Variants in CEP85L observed in about 807,000 individuals in gnomAD.
CEP85L encodes centrosomal protein of 85 kDa-like.
Under a neutral mutation model 100.3 loss-of-function variants are expected in CEP85L, and 60 were observed. The observed-to-expected ratio is 0.60, with a 90% CI of 0.49 to 0.74. The LOEUF is 0.74. CEP85L is among the 30% of genes least tolerant of loss of function. CEP85L has a pLI of 0.00. For missense variants in CEP85L, 973 were observed against 936.2 expected (o/e 1.04, Z -0.51); for synonymous variants, 319 against 322.7 (o/e 0.99, Z 0.12).
intron 2 of CEP85L, among the ~76,000 whole-genome samples, chr6:118,590,006 G>C (rs1170829976): frequency 6.6e-6 from 1 of 151,992 alleles, no homozygotes; most frequent in East Asian, 1.9e-4. Context: ...GACTATTGAG[G>C]CCAGTTCTGG....
rs1316595238 is a variant in CEP85L at position 118,460,871 on chromosome 6, T to C, written c.*4534A>G. The C allele has an allele frequency of 1.3e-5, 2 of 152,196 alleles. No homozygotes were observed. The highest frequency in any genetic ancestry group is 3.8e-4 in the East Asian group (2 of 5,202). The allele number at this position is 152,196 out of a possible 1,614,324, so 9.4% of individuals were successfully genotyped here. On this transcript the variant is annotated 3_prime_UTR_variant, in exon 13 of 13. Coordinates refer to ENST00000368491, the MANE Select transcript of CEP85L (RefSeq NM_001042475.3). ...CTAGCCATTAACATTGAAAACTTTT[T>C]TCTTAATTTAATAAATAGAACTTTG...
chr6:118,470,510 A>C (rs764135835), intron 11 of CEP85L, 27 bp downstream of exon 11: 5 of 1,402,946 alleles, frequency 3.6e-6, no homozygotes, highest in Non-Finnish European at 4.9e-6. Context: ...CATCCTTTCA[A>C]AGCAAAATTG....
intron 3 of CEP85L, among the ~76,000 whole-genome samples, chr6:118,532,547 T>C (rs1777355615): frequency 6.6e-6 from 1 of 152,104 alleles, no homozygotes; most frequent in African/African-American, 2.4e-5. Context: ...GAGCAAAAAG[T>C]AAATAAAACT....
chr6:118,615,560 G>C (rs1311111131), intron 2 of CEP85L, among the ~76,000 whole-genome samples: 1 of 152,140 alleles, frequency 6.6e-6, no homozygotes, highest in Non-Finnish European at 1.5e-5. Context: ...CCAGCTCCTA[G>C]GAAGTAACCT....
At chr6:118,654,928 T>C (rs1583231721), upstream of CEP85L, among the ~76,000 whole-genome samples, 1 of 152,238 alleles carries the variant, frequency 6.6e-6, no homozygotes, top group African/African-American at 2.4e-5. Context: ...TTCATTGGTA[T>C]AGGCCAGGTC....
upstream of CEP85L, chr6:118,651,600 T>C: frequency 9.7e-7 from 1 of 1,027,554 alleles, no homozygotes; most frequent in African/African-American, 1.7e-5. Flanking sequence ...CTCCGCCCCC[T>C]CCGCCGGCAG....
chr6:118,519,584 C>CGGG (rs56347032), intron 4 of CEP85L, among the ~76,000 whole-genome samples: 38 of 2,712 alleles, frequency 0.014, 5 homozygotes, highest in Non-Finnish European at 0.023. Context: ...GTGTGTGTGG[C>CGGG]GGGGGGGGGG....
chr6:118,686,640 C>T (rs1776842673), intron 1 of CEP85L, among the ~76,000 whole-genome samples: 1 of 152,092 alleles, frequency 6.6e-6, no homozygotes, highest in East Asian at 1.9e-4. Context: ...GAGTTATTTC[C>T]ACCTTTTGGC....
chr6:118,532,327 AG>A (rs1257971638), intron 3 of CEP85L, among the ~76,000 whole-genome samples: 1 of 152,078 alleles, frequency 6.6e-6, no homozygotes, highest in Admixed American at 6.6e-5. Flanking sequence ...ATACAAAGAA[AG>A]GAACAACAGA....
intron 1 of CEP85L, among the ~76,000 whole-genome samples, chr6:118,643,716 T>G (rs1192623070): frequency 6.6e-6 from 1 of 152,232 alleles, no homozygotes; most frequent in Non-Finnish European, 1.5e-5. Flanking sequence ...GAGTTACTTT[T>G]CTGAGGTAGA....
chr6:118,667,345 G>C (rs1250804285), intron 1 of CEP85L, among the ~76,000 whole-genome samples: 1 of 152,150 alleles, frequency 6.6e-6, no homozygotes, highest in Admixed American at 6.5e-5. Context: ...TCTAAGGTTT[G>C]ATTTCCTGAG....
intron 3 of CEP85L, among the ~76,000 whole-genome samples, chr6:118,531,927 T>C (rs1777317074): frequency 6.6e-6 from 1 of 152,162 alleles, no homozygotes; most frequent in Non-Finnish European, 1.5e-5. Flanking sequence ...GTTCAGCTAC[T>C]GTGAAAAGCA....
intron 1 of CEP85L, among the ~76,000 whole-genome samples, chr6:118,679,439 G>T (rs1776582140): frequency 6.6e-6 from 1 of 152,216 alleles, no homozygotes; most frequent in African/African-American, 2.4e-5. Context: ...GTTTATACAA[G>T]AGGCATGTGA....
At chr6:118,501,878 G>C (rs1049152107) in intron 5 of CEP85L, 1 of 1,275,710 alleles carries the variant, frequency 7.8e-7, no homozygotes, top group Admixed American at 2.1e-5. Context: ...TCCCAGCAAA[G>C]AAAATAAAAA....
intron 3 of CEP85L, among the ~76,000 whole-genome samples, chr6:118,543,014 C>G (rs185699414): frequency 1.3e-5 from 2 of 150,298 alleles, no homozygotes; most frequent in Admixed American, 1.3e-4. Flanking sequence ...AGGAAAGTAA[C>G]TTACAATAAC....
At chr6:118,622,012 T>C (rs1019850339) in intron 2 of CEP85L, among the ~76,000 whole-genome samples, 1 of 152,180 alleles carries the variant, frequency 6.6e-6, no homozygotes, top group African/African-American at 2.4e-5. Context: ...TATCTTTATA[T>C]GTCACAGAGA....
chr6:118,699,256 C>A (rs1273445628), intron 1 of CEP85L, among the ~76,000 whole-genome samples: 2 of 151,726 alleles, frequency 1.3e-5, no homozygotes, highest in Non-Finnish European at 2.9e-5. Context: ...AGTTTGAGAT[C>A]AGCCTGGGCA....
At position 118,469,266 on chromosome 6, in the gene CEP85L, T is replaced by A; in HGVS notation, c.2060A>T (p.Asp687Val). 1 of 1,613,962 alleles carries A rather than the reference T, an allele frequency of 6.2e-7. No individual in the cohort carries two copies. The highest frequency in any genetic ancestry group is 1.1e-5 in the South Asian group (1 of 91,076). ...RQTDETCSLL[D>V]QGQEPDQSRQ... Reference sequence around the variant, plus strand: ...AGATTGGTCAGGTTCCTGGCCCTGATCCAATAAAGAGCATGTCTCATCTGT... The same window carrying A: ...AGATTGGTCAGGTTCCTGGCCCTGAACCAATAAAGAGCATGTCTCATCTGT... Residue 687 changes from aspartate to valine, a missense_variant, in exon 12 of 13, where the codon GAT becomes GTT. Asp to Val is a radical substitution (Grantham distance 152). Coordinates refer to ENST00000368491, the MANE Select transcript of CEP85L (RefSeq NM_001042475.3).
At chr6:118,680,516 G>A (rs747902853) in intron 1 of CEP85L, among the ~76,000 whole-genome samples, 2 of 152,078 alleles carry the variant, frequency 1.3e-5, no homozygotes, top group Non-Finnish European at 1.5e-5. Flanking sequence ...TAGGTGGCAG[G>A]TAAGCAGGAA....
Sources: allele counts gnomAD v4.1 joint callset (sites outside exome capture counted in the v4.1 genomes callset), GRCh38; gene constraint gnomAD v4.1.1; transcripts MANE v1.5; gene names NCBI Gene and HGNC (gene_info 2026-07-23, HGNC 2026-07-21).